The following N4BP2L2 variants were observed in gnomAD, a reference collection of about 807,000 sequenced individuals.
The protein encoded by N4BP2L2 is NEDD4 binding protein 2 like 2.
In N4BP2L2, 50 loss-of-function variants were observed where a neutral mutation model predicts 56.2. The ratio of observed to expected loss-of-function variants is 0.89; its 90% CI spans 0.71 to 1.13. The LOEUF (loss-of-function observed/expected upper bound fraction) is 1.13. N4BP2L2 is among the 50% of genes most tolerant of loss of function. N4BP2L2 has a pLI of 0.00. For synonymous variants in N4BP2L2, 203 were observed against 223.6 expected (o/e 0.91, Z 0.82); for missense variants, 689 against 693.8 (o/e 0.99, Z 0.08).
intron 3 of N4BP2L2, among the ~76,000 whole-genome samples, chr13:32,526,293 C>T (rs1193836783): frequency 1.3e-5 from 2 of 152,042 alleles, no homozygotes; most frequent in Non-Finnish European, 2.9e-5. Flanking sequence ...GTTTGGATCC[C>T]AATTCAAACA....
At chr13:32,487,628 C>T (rs146755278) in intron 6 of N4BP2L2, among the ~76,000 whole-genome samples, 121 of 151,266 alleles carry the variant, frequency 8.0e-4, no homozygotes, top group African/African-American at 2.8e-3. Flanking sequence ...GCCAAGATCG[C>T]GCCACTGCAC....
chr13:32,496,070 C>A (rs2088536648), intron 6 of N4BP2L2, among the ~76,000 whole-genome samples: 1 of 152,174 alleles, frequency 6.6e-6, no homozygotes, highest in African/African-American at 2.4e-5. Flanking sequence ...GGAACTGCAG[C>A]CTGCCCAGAA....
chr13:32,435,293 G>C (rs974928353), intron 9 of N4BP2L2, among the ~76,000 whole-genome samples: 1 of 151,964 alleles, frequency 6.6e-6, no homozygotes, highest in African/African-American at 2.4e-5. Context: ...GAGTGCAGTG[G>C]GGCGATCTCA....
At position 32,533,647 on chromosome 13, in the gene N4BP2L2, C is replaced by T. The variant is rs556690097; in HGVS notation, c.1259+2122G>A. Among the ~76,000 whole-genome samples the T allele has an allele frequency of 2.0e-3, 292 of 149,488 alleles. 1 individual carries two copies. Among genetic ancestry groups the T allele is most frequent in the African/African-American group, 6.6e-3 (267 of 40,626 alleles). On this transcript the variant is annotated intron_variant, in intron 2 of 5. Transcript: ENST00000267068. ...CAAGTAGCTGGGATACCCAGGTTAT[C>T]TAGGCTGGTCTTGAATTCCTGGGCT...
At chr13:32,436,662 T>C (rs1009682554) in intron 8 of N4BP2L2, among the ~76,000 whole-genome samples, 4 of 151,334 alleles carry the variant, frequency 2.6e-5, no homozygotes, top group Non-Finnish European at 4.4e-5. Flanking sequence ...TGGTGGTGCA[T>C]GCCTGTAGTC....
At chr13:32,470,684 G>A (rs1050247038) in intron 6 of N4BP2L2, among the ~76,000 whole-genome samples, 7 of 152,236 alleles carry the variant, frequency 4.6e-5, no homozygotes, top group Non-Finnish European at 8.8e-5. Context: ...CGGGATGGGT[G>A]CATTAATAGG....
intron 6 of N4BP2L2, among the ~76,000 whole-genome samples, chr13:32,472,019 C>T (rs1422427402): frequency 6.6e-6 from 1 of 152,218 alleles, no homozygotes; most frequent in South Asian, 2.1e-4. Flanking sequence ...CTAACTTCCA[C>T]TTTACAAGAA....
intron 5 of N4BP2L2, among the ~76,000 whole-genome samples, chr13:32,520,426 A>G (rs1389584349): frequency 1.3e-5 from 2 of 152,020 alleles, no homozygotes; most frequent in East Asian, 3.9e-4. Flanking sequence ...AGGCCGAGCA[A>G]GGTGGGCAGA....
At chr13:32,442,311 C>T in intron 7 of N4BP2L2, 1 of 1,243,194 alleles carries the variant, frequency 8.0e-7, no homozygotes, top group South Asian at 1.6e-5. Context: ...TCACTAACCA[C>T]CAGGTAGAAA....
chr13:32,472,762 C>A (rs919790148), intron 6 of N4BP2L2, among the ~76,000 whole-genome samples: 4 of 152,168 alleles, frequency 2.6e-5, no homozygotes, highest in Non-Finnish European at 4.4e-5. Context: ...CCAGCACTTT[C>A]AATGAGAGTG....
Position 32,486,137 on chromosome 13 carries a change from T to G in N4BP2L2, c.365+31720A>C, listed in dbSNP as rs367875069. Among the ~76,000 whole-genome samples the G allele has an allele frequency of 2.4e-4, 37 of 152,218 alleles. No homozygotes were observed. In the East Asian group the frequency reaches 5.4e-3, roughly 22 times the overall value. On this transcript the variant is annotated intron_variant, in intron 6 of 9. Coordinates refer to the N4BP2L2 transcript ENST00000357505. ...GCTCCCCAATCTGATATAAAACATG[T>G]ACGAAAACTCCACATTCATCATACT...
chr13:32,501,655 A>T (rs2090027691), intron 6 of N4BP2L2, among the ~76,000 whole-genome samples: 1 of 152,094 alleles, frequency 6.6e-6, no homozygotes, highest in Non-Finnish European at 1.5e-5. Flanking sequence ...TCTACTAAAA[A>T]TACAAAAACA....
intron 2 of N4BP2L2, among the ~76,000 whole-genome samples, chr13:32,533,797 T>C (rs1180060363): frequency 6.6e-6 from 1 of 152,174 alleles, no homozygotes; most frequent in African/African-American, 2.4e-5. Context: ...TTTCACTCTA[T>C]TATTTTGTCA....
chr13:32,488,757 T>C (rs949957138), intron 6 of N4BP2L2, among the ~76,000 whole-genome samples: 5 of 152,158 alleles, frequency 3.3e-5, no homozygotes, highest in Non-Finnish European at 5.9e-5. Flanking sequence ...GTGCTACTTT[T>C]GTAATAGAAA....
chr13:32,479,308 C>A (rs981619989), intron 6 of N4BP2L2, among the ~76,000 whole-genome samples: 3 of 151,930 alleles, frequency 2.0e-5, no homozygotes, highest in East Asian at 3.9e-4. Context: ...ACTCTGTCGC[C>A]CAGGCTGGAG....
At chr13:32,436,999 G>A (rs1258886251) in intron 8 of N4BP2L2, among the ~76,000 whole-genome samples, 1 of 151,416 alleles carries the variant, frequency 6.6e-6, no homozygotes, top group Non-Finnish European at 1.5e-5. Flanking sequence ...TCCTGCCTCA[G>A]CCTCCCAAGT....
intron 6 of N4BP2L2, among the ~76,000 whole-genome samples, chr13:32,471,596 G>C (rs1430825947): frequency 1.3e-5 from 2 of 152,258 alleles, no homozygotes; most frequent in Admixed American, 1.3e-4. Flanking sequence ...TGCACCCAGA[G>C]AAAGAGTTAA....
chr13:32,509,841 T>C (rs1647278065), downstream of N4BP2L2, among the ~76,000 whole-genome samples: 1 of 152,070 alleles, frequency 6.6e-6, no homozygotes, highest in Admixed American at 6.6e-5. Context: ...AAACTCCAAC[T>C]CTAACATTTA....
At chr13:32,513,441 A>G (rs1264212196) in exon 6 of N4BP2L2, 3 of 152,210 alleles carry the variant, frequency 2.0e-5, no homozygotes, top group Admixed American at 6.5e-5. Flanking sequence ...AATACAGTAT[A>G]CATACAGGGA....
Sources: allele counts gnomAD v4.1 joint callset (sites outside exome capture counted in the v4.1 genomes callset), GRCh38; gene constraint gnomAD v4.1.1; transcripts MANE v1.5; gene names NCBI Gene and HGNC (gene_info 2026-07-23, HGNC 2026-07-21).